XYLT1: variants seen among roughly 807,000 people sequenced by gnomAD.
XYLT1 encodes the protein xylosyltransferase 1.
A neutral mutation model predicts 91.3 loss-of-function variants in XYLT1; 36 were observed. The ratio of observed to expected loss-of-function variants is 0.39; its 90% CI spans 0.30 to 0.52. XYLT1 has a LOEUF of 0.52. XYLT1 is among the 20% of genes least tolerant of loss of function. The pLI is 0.68. For missense variants in XYLT1, 1,242 were observed against 1,284.5 expected (o/e 0.97, Z 0.51); for synonymous variants, 588 against 532.0 (o/e 1.11, Z -1.45).
chr16:17,172,055 G>C (rs1219591801), intron 5 of XYLT1, among the ~76,000 whole-genome samples: 1 of 152,216 alleles, frequency 6.6e-6, no homozygotes, highest in Non-Finnish European at 1.5e-5. Context: ...ATGCCTTGTG[G>C]AGTTGTTTTG....
At chr16:17,265,872 T>C (rs2033796333) in intron 2 of XYLT1, among the ~76,000 whole-genome samples, 1 of 152,188 alleles carries the variant, frequency 6.6e-6, no homozygotes, top group South Asian at 2.1e-4. Flanking sequence ...TATCCACCTT[T>C]GCTCTTATTG....
rs140051436 is a variant in XYLT1, at chr16:17,338,645, A to G, written c.402+19367T>C. ...ACATTCACCCTTTTTTTTGGGACGG[A>G]GTCTCGCTCTGTTGCCCAGGCTGGA... is the stretch of plus-strand genomic sequence containing the variant. On this transcript the variant is annotated intron_variant, in intron 2 of 11. Coordinates refer to ENST00000261381, the MANE Select transcript of XYLT1 (RefSeq NM_022166.4). 9.6e-3 allele frequency: 3,631 copies of G among 377,272 alleles called. 36 individuals carry two copies. The highest frequency in any genetic ancestry group is 0.014 in the Non-Finnish European group (2,611 of 189,918). 23.4% of individuals were successfully genotyped at this position (377,272 alleles called of 1,614,324 possible). A position where few individuals can be genotyped will look rare whatever the true frequency, so the allele number is the denominator to read the frequency against.
intron 8 of XYLT1, among the ~76,000 whole-genome samples, chr16:17,135,295 C>T (rs1056812953): frequency 6.6e-5 from 10 of 152,142 alleles, no homozygotes; most frequent in Non-Finnish European, 1.2e-4. Context: ...CAGTCTCCAC[C>T]ATGCCCTATT....
At chr16:17,152,438 C>T (rs2031304091) in intron 6 of XYLT1, among the ~76,000 whole-genome samples, 1 of 152,196 alleles carries the variant, frequency 6.6e-6, no homozygotes, top group South Asian at 2.1e-4. Flanking sequence ...AATCTGCTTT[C>T]CCTATTGGAG....
At chr16:17,364,828 G>A (rs894507907) in intron 1 of XYLT1, among the ~76,000 whole-genome samples, 7 of 152,120 alleles carry the variant, frequency 4.6e-5, no homozygotes, top group African/African-American at 4.8e-5. Context: ...TCCTTTAACC[G>A]ATATCCTGGT....
chr16:17,389,772 G>C (rs370325866), intron 1 of XYLT1, among the ~76,000 whole-genome samples: 9 of 152,310 alleles, frequency 5.9e-5, no homozygotes, highest in Non-Finnish European at 8.8e-5. Context: ...AAGACAGGAT[G>C]GAGAACCAGG....
chr16:17,216,826 T>G (rs1399417479), intron 3 of XYLT1, among the ~76,000 whole-genome samples: 1 of 152,200 alleles, frequency 6.6e-6, no homozygotes, highest in Non-Finnish European at 1.5e-5. Context: ...TCATCCTGCC[T>G]CTTGAAATAT....
At chr16:17,200,714 G>A (rs890491014) in intron 3 of XYLT1, 60 bp from the exon 4 acceptor site, 1 of 1,576,882 alleles carries the variant, frequency 6.3e-7, no homozygotes, top group Non-Finnish European at 8.7e-7. Context: ...CTTTGCAGGG[G>A]TGGGAAGTTT....
intron 2 of XYLT1, among the ~76,000 whole-genome samples, chr16:17,314,776 C>A (rs538558496): frequency 1.3e-5 from 2 of 152,158 alleles, no homozygotes; most frequent in Non-Finnish European, 2.9e-5. Context: ...GCTCTGAGCT[C>A]CCTGGTGGCC....
At chr16:17,180,668 C>T (rs918843996) in intron 5 of XYLT1, among the ~76,000 whole-genome samples, 4 of 152,158 alleles carry the variant, frequency 2.6e-5, no homozygotes, top group Non-Finnish European at 4.4e-5. Context: ...GGAAAACTGG[C>T]CAGTACTACC....
At chr16:17,456,087 G>A (rs979374875) in intron 1 of XYLT1, among the ~76,000 whole-genome samples, 5 of 152,018 alleles carry the variant, frequency 3.3e-5, no homozygotes, top group Non-Finnish European at 7.3e-5. Context: ...GGAAGGTGGA[G>A]GCCGTCACCC....
At chr16:17,242,940 A>G (rs985952090) in intron 3 of XYLT1, among the ~76,000 whole-genome samples, 3 of 152,226 alleles carry the variant, frequency 2.0e-5, no homozygotes, top group Admixed American at 6.5e-5. Flanking sequence ...AGCATGCGAT[A>G]GGGTCTTCTC....
intron 2 of XYLT1, among the ~76,000 whole-genome samples, chr16:17,307,101 C>T (rs766598592): frequency 1.4e-4 from 22 of 151,836 alleles, no homozygotes; most frequent in African/African-American, 4.4e-4. Flanking sequence ...GTTGTTGAGA[C>T]GGAGTCTCAC....
At chr16:17,229,787 T>C (rs1167962848) in intron 3 of XYLT1, among the ~76,000 whole-genome samples, 1 of 152,238 alleles carries the variant, frequency 6.6e-6, no homozygotes, top group Non-Finnish European at 1.5e-5. Context: ...GTGAGTGTAC[T>C]GGGTTAAACG....
At chr16:17,463,583 G>A (rs1345582813) in intron 1 of XYLT1, among the ~76,000 whole-genome samples, 1 of 152,220 alleles carries the variant, frequency 6.6e-6, no homozygotes, top group Non-Finnish European at 1.5e-5. Context: ...AGACGCTGGT[G>A]AGGATGTGAG....
chr16:17,279,873 T>C (rs563632945), intron 2 of XYLT1, among the ~76,000 whole-genome samples: 23 of 152,338 alleles, frequency 1.5e-4, no homozygotes. Context: ...CCCCGCCCTC[T>C]GCCCAGCACA....
intron 2 of XYLT1, among the ~76,000 whole-genome samples, chr16:17,295,964 C>G (rs2034303066): frequency 6.6e-6 from 1 of 152,040 alleles, no homozygotes; most frequent in African/African-American, 2.4e-5. Context: ...ATAACACAGA[C>G]TGTAAATCTG....
chr16:17,196,663 C>T (rs146142576), intron 5 of XYLT1, among the ~76,000 whole-genome samples: 114 of 152,312 alleles, frequency 7.5e-4, no homozygotes, highest in African/African-American at 2.7e-3. Context: ...CCTATGGCCT[C>T]ATGCCATCAG....
intron 5 of XYLT1, among the ~76,000 whole-genome samples, chr16:17,176,849 T>TA (rs1373239395): frequency 6.9e-6 from 1 of 144,652 alleles, no homozygotes; most frequent in Non-Finnish European, 1.5e-5. Context: ...TTTTTTTTTT[T>TA]AACTTTCTTT....
Sources: allele counts gnomAD v4.1 joint callset (sites outside exome capture counted in the v4.1 genomes callset), GRCh38; gene constraint gnomAD v4.1.1; transcripts MANE v1.5; gene names NCBI Gene and HGNC (gene_info 2026-07-23, HGNC 2026-07-21).